BNC2: variants seen among roughly 807,000 people sequenced by gnomAD.
BNC2 encodes basonuclin zinc finger protein 2.
In BNC2, 20 loss-of-function variants were observed where a neutral mutation model predicts 76.3. The observed-to-expected ratio is 0.26, with a 90% CI of 0.18 to 0.38. The LOEUF (loss-of-function observed/expected upper bound fraction) is 0.38. BNC2 is among the 10% of genes least tolerant of loss of function. The pLI is 1.00. For missense variants in BNC2, 1,382 were observed against 1,399.8 expected, an observed-to-expected ratio of 0.99 and a Z score of 0.20; for synonymous variants, 582 against 514.8, an observed-to-expected ratio of 1.13 and a Z score of -1.77.
chr9:16,591,490 A>G (rs970117659), intron 3 of BNC2, among the ~76,000 whole-genome samples: 4 of 152,198 alleles, frequency 2.6e-5, no homozygotes, highest in Non-Finnish European at 1.5e-5. Flanking sequence ...TGACCATGAG[A>G]GTATTAATAT....
intron 3 of BNC2, among the ~76,000 whole-genome samples, chr9:16,591,460 C>T (rs1390344492): frequency 6.6e-6 from 1 of 152,108 alleles, no homozygotes; most frequent in Non-Finnish European, 1.5e-5. Context: ...TATTAACAAC[C>T]TAAAACGTCT....
chr9:16,579,884 T>A (rs567132984), intron 4 of BNC2: 43 of 383,436 alleles, frequency 1.1e-4, no homozygotes, highest in Admixed American at 9.0e-4. Context: ...CATTTGGTTA[T>A]TTTTTAGCAG....
intron 1 of BNC2, among the ~76,000 whole-genome samples, chr9:16,763,419 A>C (rs1255094622): frequency 6.6e-6 from 1 of 151,960 alleles, no homozygotes; most frequent in Non-Finnish European, 1.5e-5. Flanking sequence ...AAAATCAAAA[A>C]CTTAGCCGGC....
chr9:16,801,390 G>A (rs370244675), intron 1 of BNC2, among the ~76,000 whole-genome samples: 87 of 147,924 alleles, frequency 5.9e-4, no homozygotes, highest in African/African-American at 1.7e-3. Flanking sequence ...GGACGTGCCC[G>A]GTTAATTTTT....
chr9:16,741,461 A>G (rs893625131), intron 1 of BNC2, among the ~76,000 whole-genome samples: 1 of 151,954 alleles, frequency 6.6e-6, no homozygotes, highest in African/African-American at 2.4e-5. Flanking sequence ...TTCAAAAAAA[A>G]AAAATGAAAC....
intron 1 of BNC2, among the ~76,000 whole-genome samples, chr9:16,755,916 T>C (rs1353483718): frequency 1.3e-5 from 2 of 152,174 alleles, no homozygotes; most frequent in African/African-American, 4.8e-5. Flanking sequence ...ACTCTAACCT[T>C]TGGAACAGAG....
At chr9:16,481,552 C>G (rs958620626) in intron 5 of BNC2, among the ~76,000 whole-genome samples, 16 of 152,162 alleles carry the variant, frequency 1.1e-4, no homozygotes, top group African/African-American at 3.6e-4. Flanking sequence ...CTGTAACATT[C>G]ACCGCGAGGG....
At chr9:16,431,296 C>T (rs1820903220) in intron 6 of BNC2, 1 of 235,828 alleles carries the variant, frequency 4.2e-6, no homozygotes, top group Non-Finnish European at 9.5e-6. Flanking sequence ...CCAAATGCAA[C>T]TTATAAATAG....
chr9:16,841,525 A>G (rs1174263610), intron 1 of BNC2, among the ~76,000 whole-genome samples: 3 of 57,662 alleles, frequency 5.2e-5, no homozygotes, highest in East Asian at 1.2e-3. Flanking sequence ...CCATCATATC[A>G]TCAAAAGCTA....
chr9:16,460,433 G>A (rs1821550320), intron 5 of BNC2, among the ~76,000 whole-genome samples: 1 of 152,076 alleles, frequency 6.6e-6, no homozygotes, highest in South Asian at 2.1e-4. Flanking sequence ...GACCAGCCTG[G>A]CCAACATGGT....
At chr9:16,614,289 G>C (rs780517920) in intron 3 of BNC2, among the ~76,000 whole-genome samples, 14 of 76,314 alleles carry the variant, frequency 1.8e-4, no homozygotes, top group Non-Finnish European at 4.1e-4. Context: ...CTGTCATAAA[G>C]ACCTTATTAG....
intron 1 of BNC2, among the ~76,000 whole-genome samples, chr9:16,769,472 TG>T (rs1249465393): frequency 6.6e-6 from 1 of 152,142 alleles, no homozygotes; most frequent in Non-Finnish European, 1.5e-5. Flanking sequence ...TAATAAGTGA[TG>T]GGGGTCACGT....
At chr9:16,549,921 G>C (rs376067412) in intron 5 of BNC2, among the ~76,000 whole-genome samples, 1 of 151,734 alleles carries the variant, frequency 6.6e-6, no homozygotes. Context: ...ATCATCTATC[G>C]TTTTCTCAAA....
intron 3 of BNC2, among the ~76,000 whole-genome samples, chr9:16,683,646 A>G (rs1346173440): frequency 1.3e-5 from 2 of 152,252 alleles, no homozygotes; most frequent in African/African-American, 4.8e-5. Context: ...GAATGAAAGC[A>G]GTCTAAGCTA....
At chr9:16,715,099 C>A (rs1285874983) in intron 3 of BNC2, among the ~76,000 whole-genome samples, 2 of 152,172 alleles carry the variant, frequency 1.3e-5, no homozygotes. Context: ...AAGAATCTAC[C>A]GCTTTAAGGT....
rs539628775 is a variant in BNC2 at position 16,857,622 on chromosome 9, G to A, written c.3+13024C>T. On this transcript the variant is annotated intron_variant, in intron 1 of 6. Coordinates refer to ENST00000380672, the MANE Select transcript of BNC2 (RefSeq NM_017637.6). ...AATTGGATAATTACTCTTTATGTAC[G>A]TAAACACTTATGATGAAAAAATGCA... Among the ~76,000 whole-genome samples the A allele has an allele frequency of 4.1e-4, 61 of 150,090 alleles. 1 individual carries two copies. Among genetic ancestry groups the A allele is most frequent in the South Asian group, 2.1e-4 (1 of 4,752 alleles).
chr9:16,766,748 T>A (rs1825705973), intron 1 of BNC2, among the ~76,000 whole-genome samples: 1 of 152,230 alleles, frequency 6.6e-6, no homozygotes, highest in Admixed American at 6.5e-5. Flanking sequence ...GAGTTTGGAA[T>A]CATCAAATGG....
chr9:16,612,905 T>C (rs1820589803), intron 3 of BNC2, among the ~76,000 whole-genome samples: 2 of 152,164 alleles, frequency 1.3e-5, no homozygotes, highest in African/African-American at 4.8e-5. Flanking sequence ...ACATATCTCC[T>C]AGCTCAGTGC....
At chr9:16,842,565 G>C (rs1818859584) in intron 1 of BNC2, among the ~76,000 whole-genome samples, 1 of 152,114 alleles carries the variant, frequency 6.6e-6, no homozygotes, top group Non-Finnish European at 1.5e-5. Context: ...AGTGTTGATG[G>C]TTCCACAGCC....
Sources: allele counts gnomAD v4.1 joint callset (sites outside exome capture counted in the v4.1 genomes callset), GRCh38; gene constraint gnomAD v4.1.1; transcripts MANE v1.5; gene names NCBI Gene and HGNC (gene_info 2026-07-23, HGNC 2026-07-21).